The following PALM2AKAP2 variants were observed in gnomAD, a reference collection of about 807,000 sequenced individuals.
PALM2AKAP2 encodes PALM2-AKAP2 fusion protein.
Under a neutral mutation model 71.5 loss-of-function variants are expected in PALM2AKAP2, and 37 were observed. The ratio of observed to expected loss-of-function variants is 0.52; its 90% confidence interval spans 0.40 to 0.68. The LOEUF is 0.68. Ranked by LOEUF, PALM2AKAP2 falls within the 30% of genes least tolerant of loss-of-function variation. The pLI is 0.00. For missense variants in PALM2AKAP2, 1,224 were observed against 1,191.8 expected (o/e 1.03, Z -0.40); for synonymous variants, 468 against 478.8 (o/e 0.98, Z 0.29).
intron 7 of PALM2AKAP2, among the ~76,000 whole-genome samples, chr9:110,023,338 G>A (rs1833110819): frequency 1.3e-5 from 1 of 79,354 alleles, no homozygotes; most frequent in Non-Finnish European, 2.2e-5. Context: ...TTTTGAGATG[G>A]AGTTTCGCTC....
chr9:109,721,825 C>T (rs985111373), intron 1 of PALM2AKAP2, among the ~76,000 whole-genome samples: 2 of 152,194 alleles, frequency 1.3e-5, no homozygotes, highest in African/African-American at 2.4e-5. Flanking sequence ...TATGCCAGTC[C>T]TTTTAATTAA....
At chr9:109,675,278 TC>T (rs1827632877) in intron 1 of PALM2AKAP2, among the ~76,000 whole-genome samples, 1 of 151,598 alleles carries the variant, frequency 6.6e-6, no homozygotes, top group African/African-American at 2.4e-5. Flanking sequence ...CACTGCTCTT[TC>T]AATTGCTTTA....
chr9:110,095,271 A>T (rs1834809428), intron 1 of PALM2AKAP2, among the ~76,000 whole-genome samples: 1 of 152,234 alleles, frequency 6.6e-6, no homozygotes, highest in African/African-American at 2.4e-5. Context: ...TCTGAAAACC[A>T]TGTAAACAGG....
intron 7 of PALM2AKAP2, among the ~76,000 whole-genome samples, chr9:110,020,864 C>G (rs1833062075): frequency 6.6e-6 from 1 of 151,570 alleles, no homozygotes; most frequent in African/African-American, 2.4e-5. Flanking sequence ...AATCCAAGCA[C>G]TGGGAGGCTG....
At chr9:110,156,367 C>T (rs773795508) in exon 3 of PALM2AKAP2, 1 of 1,610,492 alleles carries the variant, frequency 6.2e-7, no homozygotes. Context: ...ACTGAAGGCC[C>T]CAGCTTGCAG....
At chr9:109,845,402 A>G (rs1828828145) in intron 1 of PALM2AKAP2, among the ~76,000 whole-genome samples, 1 of 152,246 alleles carries the variant, frequency 6.6e-6, no homozygotes, top group Admixed American at 6.5e-5. Context: ...AAATTGCTCC[A>G]TTAACTAGAT....
chr9:110,160,461 GGT>G (rs1234368255), intron 3 of PALM2AKAP2, among the ~76,000 whole-genome samples: 1 of 152,188 alleles, frequency 6.6e-6, no homozygotes, highest in Non-Finnish European at 1.5e-5. Flanking sequence ...CTGCCTCCAA[GGT>G]GGGGTTGCCC....
At chr9:110,062,951 T>C (rs1342870285) in intron 1 of PALM2AKAP2, among the ~76,000 whole-genome samples, 1 of 152,196 alleles carries the variant, frequency 6.6e-6, no homozygotes, top group African/African-American at 2.4e-5. Context: ...CTGTTAAAAC[T>C]TCACCATGGC....
At chr9:109,874,978 T>A (rs12686724) in intron 2 of PALM2AKAP2, among the ~76,000 whole-genome samples, 2,778 of 152,348 alleles carry the variant, frequency 0.018, 48 homozygotes, top group East Asian at 0.083. Flanking sequence ...ACTTGTACTT[T>A]GTAATCCTGC....
At chr9:109,887,065 C>G (rs910875217) in intron 3 of PALM2AKAP2, among the ~76,000 whole-genome samples, 7 of 152,170 alleles carry the variant, frequency 4.6e-5, no homozygotes, top group Non-Finnish European at 8.8e-5. Flanking sequence ...CTGTGTGGGT[C>G]TCTGGTAAAT....
chr9:109,836,979 C>T (rs1440158325), intron 1 of PALM2AKAP2, among the ~76,000 whole-genome samples: 1 of 152,206 alleles, frequency 6.6e-6, no homozygotes, highest in Admixed American at 6.5e-5. Flanking sequence ...AGGAGAACTT[C>T]CCCAACATAG....
At chr9:109,740,247 A>G (rs1263263914) in intron 1 of PALM2AKAP2, among the ~76,000 whole-genome samples, 3 of 152,258 alleles carry the variant, frequency 2.0e-5, no homozygotes, top group Non-Finnish European at 4.4e-5. Context: ...AAGCAAGGTC[A>G]GGAAGGTTTC....
At chr9:109,703,243 A>G (rs1008559171) in intron 1 of PALM2AKAP2, among the ~76,000 whole-genome samples, 1 of 152,168 alleles carries the variant, frequency 6.6e-6, no homozygotes, top group African/African-American at 2.4e-5. Flanking sequence ...TTCCCAGTAA[A>G]ATGTATTCAG....
chr9:109,741,108 A>G (rs1449489233), intron 1 of PALM2AKAP2, among the ~76,000 whole-genome samples: 1 of 152,230 alleles, frequency 6.6e-6, no homozygotes, highest in African/African-American at 2.4e-5. Context: ...TCATCACCTC[A>G]GAAAGTTTAT....
At chr9:109,850,860 C>T (rs17794822) in intron 1 of PALM2AKAP2, among the ~76,000 whole-genome samples, 13,444 of 152,212 alleles carry the variant, frequency 0.088, 703 homozygotes, top group East Asian at 0.19. Context: ...CTGCAGTGAT[C>T]TTCCACCTTG....
At chr9:110,014,799 AAAAAATGTATATATATATATATATAT>A (rs1832943537) in intron 6 of PALM2AKAP2, among the ~76,000 whole-genome samples, 1 of 56,614 alleles carries the variant, frequency 1.8e-5, no homozygotes, top group South Asian at 6.1e-4. Context: ...AAAAAAAAAA[AAAAAATGTATATATATATATATATAT>A]ATATATATAT....
At chr9:109,942,023 G>T (rs986467657) in intron 6 of PALM2AKAP2, among the ~76,000 whole-genome samples, 13 of 152,202 alleles carry the variant, frequency 8.5e-5, no homozygotes, top group Non-Finnish European at 1.8e-4. Context: ...GGCCTTCTGC[G>T]ATCATTGTCT....
upstream of PALM2AKAP2, among the ~76,000 whole-genome samples, chr9:109,776,419 T>G (rs1829349251): frequency 6.6e-6 from 1 of 152,184 alleles, no homozygotes; most frequent in Non-Finnish European, 1.5e-5. Flanking sequence ...GAAATGAAAT[T>G]GTATTAGATA....
At chr9:110,110,479 C>A (rs531303702) in intron 1 of PALM2AKAP2, among the ~76,000 whole-genome samples, 1 of 151,884 alleles carries the variant, frequency 6.6e-6, no homozygotes, top group South Asian at 2.1e-4. Context: ...TTTCTTTACC[C>A]CTGAGACCTC....
Sources: gnomAD v4.1 joint callset for allele counts (sites outside exome capture counted in the v4.1 genomes callset) on GRCh38, gnomAD v4.1.1 for gene constraint, MANE v1.5 for transcripts, NCBI Gene and HGNC (gene_info 2026-07-23, HGNC 2026-07-21) for gene names.